The following FRMD4A variants were observed in gnomAD, a reference collection of about 807,000 sequenced individuals.
The protein encoded by FRMD4A is FERM domain-containing protein 4A.
Under a neutral mutation model 129.1 loss-of-function variants are expected in FRMD4A, and 29 were observed. That is an observed-to-expected ratio of 0.22 (90% CI 0.17 to 0.31). The LOEUF (loss-of-function observed/expected upper bound fraction) is 0.31. FRMD4A is among the 10% of genes least tolerant of loss of function. The pLI is 1.00. For synonymous variants in FRMD4A, 634 were observed against 571.6 expected, an observed-to-expected ratio of 1.11 and a Z score of -1.56; for missense variants, 1,272 against 1,375.8, an observed-to-expected ratio of 0.92 and a Z score of 1.19.
At chr10:14,026,457 G>A (rs896887515) in intron 2 of FRMD4A, among the ~76,000 whole-genome samples, 1 of 152,174 alleles carries the variant, frequency 6.6e-6, no homozygotes, top group Non-Finnish European at 1.5e-5. Context: ...CATGTTCTTC[G>A]AGTTATGGTT....
intron 2 of FRMD4A, among the ~76,000 whole-genome samples, chr10:14,108,784 C>T (rs1837717937): frequency 6.6e-6 from 1 of 152,076 alleles, no homozygotes; most frequent in African/African-American, 2.4e-5. Context: ...TCCTGAAGGG[C>T]AGGGATAAAA....
intron 2 of FRMD4A, among the ~76,000 whole-genome samples, chr10:14,287,207 C>A (rs766882845): frequency 3.3e-5 from 5 of 151,950 alleles, no homozygotes; most frequent in Non-Finnish European, 7.4e-5. Flanking sequence ...TGTAGACTGG[C>A]CGTTGTGCTC....
intron 3 of FRMD4A, among the ~76,000 whole-genome samples, chr10:13,841,740 A>G (rs1017389031): frequency 2.6e-5 from 4 of 152,128 alleles, no homozygotes; most frequent in Admixed American, 2.6e-4. Context: ...AGCCTCCTAT[A>G]TAATATAACC....
intron 8 of FRMD4A, among the ~76,000 whole-genome samples, chr10:13,760,071 G>A (rs1056195006): frequency 2.4e-4 from 36 of 152,042 alleles, no homozygotes; most frequent in African/African-American, 8.2e-4. Flanking sequence ...TGTGATACAT[G>A]AACATTTATA....
chr10:13,997,619 C>CTTTTTT (rs1555008439), intron 2 of FRMD4A, among the ~76,000 whole-genome samples: 6 of 127,552 alleles, frequency 4.7e-5, no homozygotes, highest in African/African-American at 1.6e-4. Flanking sequence ...CTTTTCTTTT[C>CTTTTTT]TTTTCTTTTT....
intron 2 of FRMD4A, among the ~76,000 whole-genome samples, chr10:14,268,129 G>C (rs1845042221): frequency 6.6e-6 from 1 of 150,462 alleles, no homozygotes; most frequent in African/African-American, 2.4e-5. Context: ...CTTAAATAAT[G>C]AGAACTAAAA....
At chr10:13,948,372 C>T (rs187925643) in intron 2 of FRMD4A, among the ~76,000 whole-genome samples, 5 of 151,694 alleles carry the variant, frequency 3.3e-5, no homozygotes, top group East Asian at 2.0e-4. Context: ...TTTACATATT[C>T]GGAGTTTAGT....
At chr10:14,260,090 G>C (rs1361892858) in intron 2 of FRMD4A, among the ~76,000 whole-genome samples, 1 of 151,862 alleles carries the variant, frequency 6.6e-6, no homozygotes, top group East Asian at 1.9e-4. Context: ...TTAAAGGGAA[G>C]GCTATCACTT....
Position 13,659,320 on chromosome 10 carries a change from C to A in FRMD4A, c.2066+3G>T. On this transcript the variant is annotated splice_donor_region_variant and intron_variant, in intron 21 of 24. Transcript: ENST00000357447. ...TCTGAGCAGGAAGGCCAGGCAGACTCACCTCGTGGAATGGACGTAGTGGGG... is the reference window on the plus strand; with the variant it reads ...TCTGAGCAGGAAGGCCAGGCAGACTAACCTCGTGGAATGGACGTAGTGGGG... 1 of 1,613,528 alleles carries A rather than the reference C, an allele frequency of 6.2e-7. No individual in the cohort carries two copies. Among genetic ancestry groups the A allele is most frequent in the Non-Finnish European group, 8.5e-7 (1 of 1,179,420 alleles).
At chr10:14,130,570 T>C (rs1839191811) in intron 2 of FRMD4A, among the ~76,000 whole-genome samples, 1 of 152,122 alleles carries the variant, frequency 6.6e-6, no homozygotes, top group South Asian at 2.1e-4. Flanking sequence ...CATTTTTAAG[T>C]TTCTTCTTTA....
chr10:13,813,437 T>A (rs533813421), intron 3 of FRMD4A, among the ~76,000 whole-genome samples: 81 of 152,326 alleles, frequency 5.3e-4, no homozygotes, highest in African/African-American at 1.8e-3. Flanking sequence ...CGAGACTGTC[T>A]CAAAATAAAA....
At chr10:13,835,369 C>A (rs1468962553) in intron 3 of FRMD4A, among the ~76,000 whole-genome samples, 1 of 152,242 alleles carries the variant, frequency 6.6e-6, no homozygotes, top group Middle Eastern at 3.4e-3. Context: ...TGGTTATATA[C>A]CTTTACATAT....
chr10:14,092,711 T>C (rs186762085), intron 2 of FRMD4A, among the ~76,000 whole-genome samples: 207 of 152,322 alleles, frequency 1.4e-3, no homozygotes, highest in African/African-American at 4.7e-3. Context: ...GAGATGGTGA[T>C]ACTCAGCAAT....
intron 3 of FRMD4A, among the ~76,000 whole-genome samples, chr10:13,848,595 AGTGTGTGTGTGTACGTGTGTGTGTGT>A (rs2094090742): frequency 7.4e-6 from 1 of 134,284 alleles, no homozygotes; most frequent in Non-Finnish European, 1.6e-5. Context: ...CCTGGGTGTG[AGTGTGTGTGTGTACGTGTGTGTGTGT>A]GTGTGTGTGT....
At chr10:13,690,490 T>C (rs56325609) in intron 15 of FRMD4A, among the ~76,000 whole-genome samples, 2,442 of 152,330 alleles carry the variant, frequency 0.016, 57 homozygotes, top group African/African-American at 0.055. Flanking sequence ...CTGTTTGCAG[T>C]GCGTCCCCCC....
chr10:13,958,335 G>C (rs1394618530), intron 2 of FRMD4A, among the ~76,000 whole-genome samples: 2 of 143,836 alleles, frequency 1.4e-5, no homozygotes, highest in Non-Finnish European at 3.0e-5. Context: ...CCAGGCTGGA[G>C]TGCAGTGGCG....
intron 19 of FRMD4A, among the ~76,000 whole-genome samples, chr10:13,661,798 C>T (rs2082659563): frequency 6.6e-6 from 1 of 152,044 alleles, no homozygotes; most frequent in African/African-American, 2.4e-5. Context: ...GAAAAAAGCA[C>T]AGAAGCAAAC....
At chr10:14,291,374 A>G (rs889601295) in intron 2 of FRMD4A, among the ~76,000 whole-genome samples, 3 of 152,142 alleles carry the variant, frequency 2.0e-5, no homozygotes, top group Non-Finnish European at 4.4e-5. Flanking sequence ...TGAAAAGTGT[A>G]AGCAGGAGGA....
chr10:14,330,116 C>A lies in FRMD4A; in HGVS notation c.-14G>T. 1 of 1,551,910 alleles carries A rather than the reference C, an allele frequency of 6.4e-7. No homozygotes were observed. The highest frequency in any genetic ancestry group is 2.4e-5 in the East Asian group (1 of 40,946). ...CTGCACTGCCATGGTCTCCGATTCC[C>A]ATGCACGAATCCTGCTGCCGAGTCA... On this transcript the variant is annotated 5_prime_UTR_variant, in exon 2 of 25. The change abolishes an upstream ATG in the 5' untranslated region. Coordinates refer to ENST00000357447, the MANE Select transcript of FRMD4A (RefSeq NM_018027.5).
Sources: allele counts gnomAD v4.1 joint callset (sites outside exome capture counted in the v4.1 genomes callset), GRCh38; gene constraint gnomAD v4.1.1; transcripts MANE v1.5; gene names NCBI Gene and HGNC (gene_info 2026-07-23, HGNC 2026-07-21).